Variants in POLD1 observed in about 807,000 individuals in gnomAD.
POLD1 encodes DNA polymerase delta catalytic subunit.
Under a neutral mutation model 129.7 loss-of-function variants are expected in POLD1, and 79 were observed. The ratio of observed to expected loss-of-function variants is 0.61; its 90% CI spans 0.51 to 0.73. The LOEUF (loss-of-function observed/expected upper bound fraction) is 0.73. Ranked by LOEUF, POLD1 falls within the 30% of genes least tolerant of loss-of-function variation. The pLI, the probability that POLD1 is intolerant of heterozygous loss-of-function variation, is 0.00. For synonymous variants in POLD1, 714 were observed against 683.3 expected (o/e 1.04, Z -0.70); for missense variants, 1,338 against 1,595.8 (o/e 0.84, Z 2.75).
chr19:50,416,076 T>G, intron 22 of POLD1: 2 of 565,440 alleles, frequency 3.5e-6, no homozygotes, highest in Non-Finnish European at 6.2e-6. Context: ...CAGCCGGGGG[T>G]TCCCTTGGAT....
intron 3 of POLD1, 77 bp downstream of exon 3, chr19:50,399,561 G>A: frequency 9.1e-7 from 1 of 1,097,086 alleles, no homozygotes; most frequent in Non-Finnish European, 1.4e-6. Flanking sequence ...AGCCCCTCTG[G>A]CCCTGTGCTC....
Position 50,409,924 on chromosome 19 carries a change from T to C in POLD1, c.2154+258T>C, listed in dbSNP as rs1015947902. Among the ~76,000 whole-genome samples, 2 of 152,250 alleles carry C rather than the reference T, an allele frequency of 1.3e-5. No individual in the cohort carries two copies. The highest frequency in any genetic ancestry group is 2.9e-5 in the Non-Finnish European group (2 of 68,044). On this transcript the variant is annotated intron_variant, in intron 17 of 26. Coordinates refer to ENST00000440232, the MANE Select transcript of POLD1 (RefSeq NM_002691.4). This position sits in a 1 kb window ranked among gnomAD's most constrained non-coding sequence, Gnocchi z 5.8. The stretch of plus-strand genomic sequence containing the variant: ...GGAACAAAATGGATGAGAGCTCCTG[T>C]CCCTGTCATCTTGCAGCCCAGTGGG...
chr19:50,403,698 C>T (rs996779874), intron 10 of POLD1, 101 bp downstream of exon 10: 1 of 807,512 alleles, frequency 1.2e-6, no homozygotes, highest in East Asian at 2.4e-5. Context: ...CTTGGTGCAT[C>T]TTGCTCTGTG....
rs373539529 is a variant in POLD1, at chr19:50,409,485, C to T, written c.2007-34C>T. On this transcript the variant is annotated intron_variant, in intron 16 of 26. Coordinates refer to ENST00000440232, the MANE Select transcript of POLD1 (RefSeq NM_002691.4). This position sits in a 1 kb window ranked among gnomAD's most constrained non-coding sequence, Gnocchi z 5.8. ...GGAGCCCTGACCAATGCCCAGGTGC[C>T]GCCTGAGTGTGCTTTCCCCGTGTTC... 5.1e-5 allele frequency: 82 copies of T among 1,613,120 alleles called. No homozygotes were observed. In the South Asian group the frequency reaches 5.8e-4, roughly 11 times the overall value.
intron 22 of POLD1, chr19:50,416,105 A>AC (rs2039278778): frequency 7.3e-6 from 4 of 546,324 alleles, no homozygotes; most frequent in Middle Eastern, 4.8e-4. Flanking sequence ...CTCCAGCTCT[A>AC]CCCCCACCCC....
intron 10 of POLD1, among the ~76,000 whole-genome samples, chr19:50,404,642 G>T (rs921552455): frequency 3.4e-5 from 4 of 118,340 alleles, no homozygotes; most frequent in Admixed American, 3.2e-4. Flanking sequence ...GCGATGGCAC[G>T]ATCGAGGCTC....
At chr19:50,395,230 G>C (rs971061010) in intron 1 of POLD1, 5 of 118,368 alleles carry the variant, frequency 4.2e-5, no homozygotes, top group Non-Finnish European at 8.3e-5. Context: ...GGCCGGGCGC[G>C]GTGGCTGGGT....
In POLD1 at chr19:50,415,564, G is replaced by A. The variant is rs1057522764; in HGVS notation, c.2691G>A (p.Lys897=). Residue 897 remains lysine, a synonymous_variant, in exon 21 of 27, where the codon AAG becomes AAA. Transcript: ENST00000440232. ...LTRAASDYAG[K]QAHVELAERM... is the part of the protein sequence containing the mutation. ...GCGCGGCCTCCGACTATGCCGGCAA[G>A]CAGGCCCACGTGGAGCTGGCCGAGA... The A allele has an allele frequency of 1.2e-6, 2 of 1,612,264 alleles. No homozygotes were observed. The highest frequency in any genetic ancestry group is 2.7e-5 in the African/African-American group (2 of 74,926).
At chr19:50,407,652 G>A (rs1437905832) in intron 14 of POLD1, among the ~76,000 whole-genome samples, 8 of 150,994 alleles carry the variant, frequency 5.3e-5, no homozygotes, top group East Asian at 2.0e-4. Context: ...TTTGCCTCCC[G>A]GGTTCACGCC....
intron 22 of POLD1, 195 bp from the exon 23 acceptor site, chr19:50,416,201 G>T (rs1053751435): frequency 3.3e-6 from 2 of 604,564 alleles, no homozygotes; most frequent in Non-Finnish European, 2.9e-6. Context: ...TGACCCTTCC[G>T]TGGTGACCTG....
At chr19:50,401,391 A>AT (rs1203165864) in intron 3 of POLD1, among the ~76,000 whole-genome samples, 881 of 66,020 alleles carry the variant, frequency 0.013, 55 homozygotes, top group Non-Finnish European at 0.017. Flanking sequence ...ATATATATAT[A>AT]TTTTTTTTTT....
intron 24 of POLD1, 114 bp downstream of exon 24, chr19:50,416,837 C>A: frequency 2.0e-6 from 2 of 978,364 alleles, no homozygotes; most frequent in Non-Finnish European, 3.0e-6. Flanking sequence ...GCCCAGGGCC[C>A]CTGGGTGGGT....
At position 50,416,685 on chromosome 19, in the gene POLD1, A is replaced by C. The variant is rs2039309429; in HGVS notation, c.3029A>C (p.Asn1010Thr). The C allele has an allele frequency of 6.4e-7, 1 of 1,551,476 alleles. No individual in the cohort carries two copies. Among genetic ancestry groups the C allele is most frequent in the Non-Finnish European group, 8.7e-7 (1 of 1,153,098 alleles). ...GGLLAFAKRR[N>T]CCIGCRTVLS... is the part of the protein sequence containing the mutation. ...CTCCTGGCCTTCGCCAAACGCCGCA[A>C]CTGCTGCATTGGCTGCCGCACAGTG... The change falls in exon 24 of 27, where the codon AAC (asparagine) becomes ACC (threonine). Residue 1010 changes from asparagine (N) to threonine (T), a missense_variant. Physicochemically the swap from Asn to Thr is moderately conservative, Grantham distance 65. Around this residue, in one of 3 missense-constraint regions of POLD1, gnomAD observed 286 missense variants for 277.5 expected, o/e 1.03. Transcript: ENST00000440232.
chr19:50,388,829 T>C (rs1447141313), intron 1 of POLD1, among the ~76,000 whole-genome samples: 3 of 128,262 alleles, frequency 2.3e-5, no homozygotes, highest in African/African-American at 1.1e-4. Context: ...TTAACTCTTT[T>C]TTTTTTTTTT....
chr19:50,389,534 T>C (rs1390127664), intron 1 of POLD1, among the ~76,000 whole-genome samples: 1 of 152,178 alleles, frequency 6.6e-6, no homozygotes, highest in Admixed American at 6.5e-5. Flanking sequence ...ACGATTCTTA[T>C]TTAGATCTGC....
intron 10 of POLD1, among the ~76,000 whole-genome samples, chr19:50,404,659 A>G (rs534821546): frequency 5.0e-4 from 69 of 139,382 alleles, no homozygotes; most frequent in African/African-American, 1.9e-3. Context: ...GCTCACTGCA[A>G]CCTCCACCTC....
At position 50,406,169 on chromosome 19, in the gene POLD1, C is replaced by CT. The variant is rs1491357846; in HGVS notation, c.1243-12dup. 7 of 1,609,792 alleles carry CT rather than the reference C, an allele frequency of 4.3e-6. No individual in the cohort carries two copies. Among genetic ancestry groups the CT allele is most frequent in the Non-Finnish European group, 5.9e-6 (7 of 1,176,966 alleles). On this transcript the variant is annotated splice_polypyrimidine_tract_variant and intron_variant, in intron 10 of 26. Coordinates refer to ENST00000440232, the MANE Select transcript of POLD1 (RefSeq NM_002691.4). The surrounding 1 kb of genome is among the most constrained non-coding windows in gnomAD (Gnocchi z 5.5). ...ACCCGCAGCCTGCTGCACACCCTGCCTCTCCTCCTCAGGTACAAACATTCC... is the reference window on the plus strand; with the variant it reads ...ACCCGCAGCCTGCTGCACACCCTGCCTTCTCCTCCTCAGGTACAAACATTCC...
Position 50,414,844 on chromosome 19 carries a change from G to A in POLD1, c.2418G>A (p.Lys806=), listed in dbSNP as rs2122464105. The A allele has an allele frequency of 6.3e-7, 1 of 1,592,302 alleles. No homozygotes were observed. Among genetic ancestry groups the A allele is most frequent in the Non-Finnish European group, 8.6e-7 (1 of 1,166,310 alleles). ...ACTTCCCATACCTGCTTATCAGCAA[G>A]AAGCGCTACGCGGGCCTGCTCTTCT... ...KVYFPYLLIS[K]KRYAGLLFSS... is the part of the protein sequence containing the mutation. Residue 806 remains lysine, a synonymous_variant, in exon 20 of 27, where the codon AAG becomes AAA. Coordinates refer to ENST00000440232, the MANE Select transcript of POLD1 (RefSeq NM_002691.4).
Position 50,396,389 on chromosome 19 carries a change from T to C in POLD1, c.-1-2462T>C, listed in dbSNP as rs149131841. On this transcript the variant is annotated intron_variant, in intron 1 of 26. Coordinates refer to ENST00000440232, the MANE Select transcript of POLD1 (RefSeq NM_002691.4). ...CAGCGTGGGCCACCGTGCCTAACTC[T>C]AGTCAACTTTTATATTGTATATCTT... Among the ~76,000 whole-genome samples, 1,195 of 150,390 alleles carry C rather than the reference T, an allele frequency of 7.9e-3. 12 individuals carry two copies. Among genetic ancestry groups the C allele is most frequent in the African/African-American group, 0.029 (1,144 of 40,012 alleles).
Sources: gnomAD v4.1 joint callset for allele counts (sites outside exome capture counted in the v4.1 genomes callset) on GRCh38, gnomAD v4.1.1 for gene constraint, gnomAD v4.1.1 regional missense constraint, Gnocchi (gnomAD v3.1) non-coding constraint, MANE v1.5 for transcripts, NCBI Gene and HGNC (gene_info 2026-07-23, HGNC 2026-07-21) for gene names.